The following CRADD variants were observed in gnomAD, a reference collection of about 807,000 sequenced individuals.
CRADD encodes the protein CARD and death domain containing adaptor protein.
CRADD carries 9 observed loss-of-function variants against 15.5 expected under a neutral mutation model. That is an observed-to-expected ratio of 0.58 (90% CI 0.35 to 1.01). CRADD has a LOEUF of 1.01. Ranked by LOEUF, CRADD falls within the 50% of genes least tolerant of loss-of-function variation. The pLI, the probability that CRADD is intolerant of heterozygous loss-of-function variation, is 0.02. For synonymous variants in CRADD, 118 were observed against 107.6 expected (o/e 1.10, Z -0.60); for missense variants, 227 against 250.3 (o/e 0.91, Z 0.63).
chr12:93,888,821 C>T (rs1958556567), intron 2 of CRADD, among the ~76,000 whole-genome samples: 1 of 152,180 alleles, frequency 6.6e-6, no homozygotes, highest in Admixed American at 6.5e-5. Context: ...AGATTGTTGT[C>T]AGATGTGTGG....
chr12:93,838,098 C>T (rs1321736881), intron 2 of CRADD: 3 of 151,708 alleles, frequency 2.0e-5, no homozygotes, highest in Admixed American at 6.6e-5. Flanking sequence ...TCCTGGAAAT[C>T]GGTTTTAGAA....
At chr12:93,709,447 G>A (rs73359697) in intron 2 of CRADD, among the ~76,000 whole-genome samples, 1 of 152,008 alleles carries the variant, frequency 6.6e-6, no homozygotes, top group Non-Finnish European at 1.5e-5. Flanking sequence ...AGTATCTATT[G>A]TTTCCTTCTT....
intron 2 of CRADD, among the ~76,000 whole-genome samples, chr12:93,892,474 T>C (rs1167896420): frequency 6.6e-6 from 1 of 152,170 alleles, no homozygotes; most frequent in African/African-American, 2.4e-5. Flanking sequence ...GACGTAAGCA[T>C]GTGAGAGCGT....
rs553094448 is a variant in CRADD, at chr12:93,801,868, C to G, written c.299-48102C>G. Among the ~76,000 whole-genome samples the G allele has an allele frequency of 5.3e-5, 8 of 152,308 alleles. No homozygotes were observed. In the South Asian group the frequency reaches 1.7e-3, roughly 32 times the overall value. On this transcript the variant is annotated intron_variant, in intron 2 of 2. Transcript: ENST00000332896. The stretch of plus-strand genomic sequence containing the variant: ...CTCACCCCCTCCCATCCGGCCACAA[C>G]AAGTCCCCAAAGTCCATTACATCAT...
intron 2 of CRADD, among the ~76,000 whole-genome samples, chr12:93,797,286 A>T (rs1262671490): frequency 6.6e-6 from 1 of 152,028 alleles, no homozygotes; most frequent in Non-Finnish European, 1.5e-5. Flanking sequence ...AATGGCATAA[A>T]ATTGTGGGGA....
intron 2 of CRADD, among the ~76,000 whole-genome samples, chr12:93,855,858 G>A (rs1400958330): frequency 6.6e-6 from 1 of 151,892 alleles, no homozygotes; most frequent in Non-Finnish European, 1.5e-5. Context: ...TTGCTCTGTC[G>A]CCAGGCTGGA....
rs371709686 is a variant in CRADD at position 93,760,900 on chromosome 12, C to T, written c.298+81828C>T. Among the ~76,000 whole-genome samples the T allele has an allele frequency of 1.8e-4, 27 of 152,078 alleles. No homozygotes were observed. In the South Asian group the frequency reaches 5.2e-3, roughly 29 times the overall value. On this transcript the variant is annotated intron_variant, in intron 2 of 2. Coordinates refer to ENST00000332896, the MANE Select transcript of CRADD (RefSeq NM_003805.5). ...AGGGTGCCCCAGAAGAAGTGAGTGA[C>T]ATTTGAGCCAAAACCTAAGTGATGA... is the stretch of plus-strand genomic sequence containing the variant.
chr12:93,761,835 G>T (rs548322639), intron 2 of CRADD, among the ~76,000 whole-genome samples: 1 of 152,266 alleles, frequency 6.6e-6, no homozygotes, highest in African/African-American at 2.4e-5. Context: ...ATTCTCTGTT[G>T]CTCAGCATGC....
chr12:93,860,652 G>A (rs922373829), intron 2 of CRADD, among the ~76,000 whole-genome samples: 2 of 152,102 alleles, frequency 1.3e-5, no homozygotes, highest in African/African-American at 4.8e-5. Context: ...AACATTTTGG[G>A]CAGAGGGAAC....
chr12:93,789,104 A>T (rs920814352), intron 2 of CRADD, among the ~76,000 whole-genome samples: 2 of 151,828 alleles, frequency 1.3e-5, no homozygotes, highest in African/African-American at 2.4e-5. Flanking sequence ...CCCCTGCCCC[A>T]TCTTTCTCTT....
chr12:93,891,838 TC>T (rs1432784800), intron 2 of CRADD, among the ~76,000 whole-genome samples: 9 of 152,082 alleles, frequency 5.9e-5, no homozygotes, highest in African/African-American at 2.2e-4. Flanking sequence ...TGTCCCTTAC[TC>T]CCCCCGACCT....
At chr12:93,883,829 T>A (rs1012763199) in intron 2 of CRADD, among the ~76,000 whole-genome samples, 5 of 152,064 alleles carry the variant, frequency 3.3e-5, no homozygotes, top group African/African-American at 1.2e-4. Context: ...TGAGACCTTG[T>A]CTCTAAAACA....
intron 2 of CRADD, among the ~76,000 whole-genome samples, chr12:93,705,856 T>C (rs1955937600): frequency 1.3e-5 from 2 of 152,250 alleles, no homozygotes; most frequent in Non-Finnish European, 1.5e-5. Flanking sequence ...CCATCTACTT[T>C]TGCTTTTTAA....
At chr12:93,792,310 C>T (rs1007141926) in intron 2 of CRADD, among the ~76,000 whole-genome samples, 2 of 152,116 alleles carry the variant, frequency 1.3e-5, no homozygotes, top group Non-Finnish European at 2.9e-5. Context: ...AAAGAAGATG[C>T]TGGAGACCCT....
At chr12:93,750,776 A>C (rs1465501074) in intron 2 of CRADD, among the ~76,000 whole-genome samples, 1 of 152,234 alleles carries the variant, frequency 6.6e-6, no homozygotes, top group South Asian at 2.1e-4. Flanking sequence ...TTAGACATGA[A>C]TGTACATGTC....
At chr12:93,708,158 A>G (rs1329514399) in intron 2 of CRADD, 2 of 152,264 alleles carry the variant, frequency 1.3e-5, no homozygotes, top group East Asian at 3.8e-4. Context: ...GGGAATACAG[A>G]AGAGAATATG....
intron 2 of CRADD, among the ~76,000 whole-genome samples, chr12:93,701,958 A>T (rs1955851051): frequency 1.4e-5 from 2 of 143,844 alleles, no homozygotes; most frequent in South Asian, 4.5e-4. Context: ...CTCATCTGGG[A>T]TTTTTTTTTT....
intron 2 of CRADD, among the ~76,000 whole-genome samples, chr12:93,782,153 C>G (rs1326352984): frequency 6.6e-6 from 1 of 152,098 alleles, no homozygotes; most frequent in Non-Finnish European, 1.5e-5. Context: ...CCATGGAATA[C>G]TATGCAGCCA....
intron 2 of CRADD, among the ~76,000 whole-genome samples, chr12:93,794,370 A>T (rs1055715761): frequency 1.3e-5 from 2 of 151,838 alleles, no homozygotes; most frequent in African/African-American, 4.8e-5. Flanking sequence ...TCTTAATCCC[A>T]GCCTTACTTT....
Sources: gnomAD v4.1 joint callset for allele counts (sites outside exome capture counted in the v4.1 genomes callset) on GRCh38, gnomAD v4.1.1 for gene constraint, MANE v1.5 for transcripts, NCBI Gene and HGNC (gene_info 2026-07-23, HGNC 2026-07-21) for gene names.